The following MAMLD1 variants were observed in gnomAD, a reference collection of about 807,000 sequenced individuals.
The protein encoded by MAMLD1 is mastermind-like domain-containing protein 1.
MAMLD1 carries 14 observed loss-of-function variants against 45.0 expected under a neutral mutation model. The ratio of observed to expected loss-of-function variants is 0.31; its 90% CI spans 0.21 to 0.49. The LOEUF (loss-of-function observed/expected upper bound fraction) is 0.49. MAMLD1 is among the 20% of genes least tolerant of loss of function. The pLI, the probability that MAMLD1 is intolerant of heterozygous loss-of-function variation, is 0.99. For synonymous variants in MAMLD1, 254 were observed against 247.8 expected (o/e 1.02, Z -0.24); for missense variants, 543 against 603.6 (o/e 0.90, Z 1.05).
chrX:150,402,257 C>T lies in MAMLD1; in HGVS notation c.-64+38727C>T, dbSNP rs9990233. 2.8e-3 allele frequency among the ~76,000 whole-genome samples: 303 copies of T among 108,202 alleles called. 2 individuals carry two copies. Among genetic ancestry groups the T allele is most frequent in the Non-Finnish European group, 4.6e-3 (241 of 52,282 alleles). The allele number at this position is 108,202 out of a possible 115,157, so 94.0% of individuals were successfully genotyped here. ...ACAAACAACCCCATCAAAAAGTGGGCGAAGGACATGAACAGACACTTCTCA... is the reference window on the plus strand; with the variant it reads ...ACAAACAACCCCATCAAAAAGTGGGTGAAGGACATGAACAGACACTTCTCA... On this transcript the variant is annotated intron_variant, in intron 1 of 7. Coordinates refer to ENST00000370401, the MANE Select transcript of MAMLD1 (RefSeq NM_005491.5).
intron 1 of MAMLD1, among the ~76,000 whole-genome samples, chrX:150,367,912 G>A (rs2031627136): frequency 8.9e-6 from 1 of 111,840 alleles, no homozygotes; most frequent in Admixed American, 9.4e-5. Flanking sequence ...TGGCTGCGTA[G>A]TATTCCATGG....
At chrX:150,455,777 CTTCTTT>C (rs2035840192) in intron 2 of MAMLD1, among the ~76,000 whole-genome samples, 1 of 84,019 alleles carries the variant, frequency 1.2e-5, no homozygotes, top group Admixed American at 1.3e-4. Context: ...TCTTCTTCTT[CTTCTTT>C]TTTTTTTTTT....
At chrX:150,431,784 T>G (rs1478846996) in intron 1 of MAMLD1, among the ~76,000 whole-genome samples, 11 of 110,594 alleles carry the variant, frequency 9.9e-5, no homozygotes, top group Admixed American at 2.9e-4. Flanking sequence ...TATTTCACAG[T>G]GTATATATAC....
intron 1 of MAMLD1, among the ~76,000 whole-genome samples, chrX:150,406,500 C>T (rs1159616250): frequency 3.6e-5 from 4 of 111,510 alleles, no homozygotes; most frequent in Admixed American, 1.9e-4. Flanking sequence ...TACAGGTGTC[C>T]CTGGGCTCAT....
In MAMLD1 at chrX:150,382,928, G is replaced by A. The variant is rs1465587683; in HGVS notation, c.-64+19398G>A. Reference sequence around the variant, plus strand: ...TTTTTATTTTTTTTTTTTTTGAGACGGAGTCTCGCTCTGTCGCCCAGGCTG... The same window carrying A: ...TTTTTATTTTTTTTTTTTTTGAGACAGAGTCTCGCTCTGTCGCCCAGGCTG... On this transcript the variant is annotated intron_variant, in intron 1 of 7. Coordinates refer to ENST00000370401, the MANE Select transcript of MAMLD1 (RefSeq NM_005491.5). Among the ~76,000 whole-genome samples the A allele has an allele frequency of 1.5e-4, 3 of 19,627 alleles. 1 individual carries two copies. The highest frequency in any genetic ancestry group is 2.5e-4 in the Non-Finnish European group (3 of 12,187). 17.0% of individuals were successfully genotyped at this position (19,627 alleles called of 115,157 possible).
At chrX:150,368,689 T>G (rs2031721214) in intron 1 of MAMLD1, among the ~76,000 whole-genome samples, 1 of 112,004 alleles carries the variant, frequency 8.9e-6, no homozygotes, top group Non-Finnish European at 1.9e-5. Context: ...GTTTTTATGG[T>G]TTTAGGTCTC....
chrX:150,455,794 T>C (rs1265494284), intron 2 of MAMLD1, among the ~76,000 whole-genome samples: 1 of 95,461 alleles, frequency 1.0e-5, no homozygotes, highest in Non-Finnish European at 2.2e-5. Context: ...TTTTTTTTTT[T>C]GTATAATCAG....
chrX:150,394,129 CTTTTTTTTTTT>C (rs781904160), intron 1 of MAMLD1, among the ~76,000 whole-genome samples: 1 of 12,256 alleles, frequency 8.2e-5, no homozygotes, highest in African/African-American at 3.6e-4. Flanking sequence ...TATCTACATC[CTTTTTTTTTTT>C]TTTTTTTTTT....
chrX:150,511,869 A>C, intron 7 of MAMLD1, 135 bp from the exon 8 acceptor site: 1 of 456,985 alleles, frequency 2.2e-6, no homozygotes, highest in Non-Finnish European at 3.3e-6. Context: ...ACTGGGGAGC[A>C]GGGGGGAGCT....
chrX:150,428,618 C>G (rs2034801310), intron 1 of MAMLD1, among the ~76,000 whole-genome samples: 1 of 112,196 alleles, frequency 8.9e-6, no homozygotes, highest in Non-Finnish European at 1.9e-5. Flanking sequence ...ACAGAAAGGT[C>G]TGCTTAAGGG....
At chrX:150,431,219 G>A (rs782802901) in intron 1 of MAMLD1, among the ~76,000 whole-genome samples, 14 of 111,351 alleles carry the variant, frequency 1.3e-4, no homozygotes, top group African/African-American at 4.2e-4. Flanking sequence ...TTTTCATTCC[G>A]ATGTCTGTGT....
chrX:150,389,790 A>G (rs917470067), intron 1 of MAMLD1, among the ~76,000 whole-genome samples: 22 of 111,851 alleles, frequency 2.0e-4, no homozygotes, highest in African/African-American at 6.2e-4. Context: ...CTCAGTTTCT[A>G]CTTCATGTGT....
chrX:150,429,352 T>G (rs1557403942), intron 1 of MAMLD1, among the ~76,000 whole-genome samples: 1 of 110,349 alleles, frequency 9.1e-6, no homozygotes, highest in Non-Finnish European at 1.9e-5. Flanking sequence ...AAAAAAATAG[T>G]GCTATGTAGG....
rs782406466 is a variant in MAMLD1, at chrX:150,371,982, T to C, written c.-64+8452T>C. ...GGGACATAGTAAAGGGAGCCCAAAG[T>C]TGACAGAACCCTGGTCTCTAGTTCT... On this transcript the variant is annotated intron_variant, in intron 1 of 7. Coordinates refer to ENST00000370401, the MANE Select transcript of MAMLD1 (RefSeq NM_005491.5). 3.6e-5 allele frequency among the ~76,000 whole-genome samples: 4 copies of C among 112,094 alleles called. No homozygotes were observed. The East Asian group carries it at 1.1e-3, about 32-fold the overall frequency.
At chrX:150,401,672 A>G (rs1315726787) in intron 1 of MAMLD1, among the ~76,000 whole-genome samples, 3 of 111,912 alleles carry the variant, frequency 2.7e-5, no homozygotes, top group African/African-American at 9.8e-5. Context: ...TTCAAACTAT[A>G]CTACAAGGCT....
chrX:150,364,217 G>T (rs376509497), intron 1 of MAMLD1, among the ~76,000 whole-genome samples: 15 of 112,848 alleles, frequency 1.3e-4, no homozygotes, highest in African/African-American at 4.8e-4. Flanking sequence ...ACAGAGCTGG[G>T]CGCCCGGCGC....
At chrX:150,404,955 G>C (rs1192715115) in intron 1 of MAMLD1, among the ~76,000 whole-genome samples, 2 of 112,072 alleles carry the variant, frequency 1.8e-5, no homozygotes, top group African/African-American at 6.5e-5. Context: ...TTTCTGGTTT[G>C]GGGTGACTAC....
chrX:150,475,756 A>G (rs1185707439), intron 5 of MAMLD1, among the ~76,000 whole-genome samples: 1 of 111,627 alleles, frequency 9.0e-6, no homozygotes. Context: ...AGTCCCCTTC[A>G]CATAGGGCAT....
chrX:150,480,956 C>T (rs951358714), intron 5 of MAMLD1, among the ~76,000 whole-genome samples: 1 of 112,432 alleles, frequency 8.9e-6, no homozygotes, highest in Non-Finnish European at 1.9e-5. Flanking sequence ...CTACCAAATC[C>T]GGCCATCTTC....
Sources: allele counts gnomAD v4.1 joint callset (sites outside exome capture counted in the v4.1 genomes callset), GRCh38; gene constraint gnomAD v4.1.1; transcripts MANE v1.5; gene names NCBI Gene and HGNC (gene_info 2026-07-23, HGNC 2026-07-21).